Variants in ASIC2 observed in about 807,000 individuals in gnomAD.
The protein encoded by ASIC2 is acid sensing ion channel subunit 2, also known as acid-sensing ion channel 2.
A neutral mutation model predicts 57.3 loss-of-function variants in ASIC2; 25 were observed. The observed-to-expected ratio is 0.44, with a 90% CI of 0.32 to 0.61. ASIC2 has a LOEUF of 0.61. Ranked by LOEUF, ASIC2 falls within the 20% of genes least tolerant of loss-of-function variation. ASIC2 has a pLI of 0.06. For missense variants in ASIC2, 641 were observed against 738.1 expected (o/e 0.87, Z 1.52); for synonymous variants, 319 against 307.5 (o/e 1.04, Z -0.39).
intron 1 of ASIC2, among the ~76,000 whole-genome samples, chr17:33,683,074 C>G (rs938934259): frequency 6.6e-6 from 1 of 152,186 alleles, no homozygotes; most frequent in Admixed American, 6.5e-5. Flanking sequence ...CAGTAGGCCA[C>G]GCTGCCCTAT....
chr17:33,671,414 C>T (rs932145894), intron 1 of ASIC2, among the ~76,000 whole-genome samples: 1 of 152,202 alleles, frequency 6.6e-6, no homozygotes, highest in African/African-American at 2.4e-5. Context: ...ATCTTATTAG[C>T]TCTGCCCCAC....
rs11651523 is a variant in ASIC2, at chr17:33,755,101, G to A, written c.555+400877C>T. Among the ~76,000 whole-genome samples, 4 of 152,082 alleles carry A rather than the reference G, an allele frequency of 2.6e-5. No homozygotes were observed. In the South Asian group the frequency reaches 6.2e-4, roughly 24 times the overall value. Reference sequence around the variant, plus strand: ...TTCTGGATTATTCAGGTCAGGTCAAGGTCATCAAAAGTGTCCTTATGAGAG... The same window carrying A: ...TTCTGGATTATTCAGGTCAGGTCAAAGTCATCAAAAGTGTCCTTATGAGAG... On this transcript the variant is annotated intron_variant, in intron 1 of 9. Transcript: ENST00000359872.
At chr17:33,593,591 A>C (rs147020918) in intron 1 of ASIC2, among the ~76,000 whole-genome samples, 5 of 152,166 alleles carry the variant, frequency 3.3e-5, no homozygotes, top group African/African-American at 1.2e-4. Context: ...GGTGATAATG[A>C]TGGCAGCTTC....
rs530531319 is a variant in ASIC2 at position 33,321,093 on chromosome 17, G to T, written c.556-209026C>A. Among the ~76,000 whole-genome samples the T allele has an allele frequency of 6.6e-5, 10 of 152,240 alleles. No homozygotes were observed. In the Middle Eastern group the frequency reaches 0.014, roughly 207 times the overall value. On this transcript the variant is annotated intron_variant, in intron 1 of 9. Coordinates refer to the ASIC2 transcript ENST00000359872. ...TCCACTTCCGTTGAATATATACCTG[G>T]GAGCAGAATGGTTATGTCACAGGGT...
intron 1 of ASIC2, among the ~76,000 whole-genome samples, chr17:33,528,356 C>T (rs1964430915): frequency 6.6e-6 from 1 of 152,146 alleles, no homozygotes; most frequent in African/African-American, 2.4e-5. Context: ...TGGAACTCTC[C>T]CTCCAGCCAG....
At chr17:33,802,745 G>T (rs915090379) in intron 1 of ASIC2, among the ~76,000 whole-genome samples, 3 of 152,242 alleles carry the variant, frequency 2.0e-5, no homozygotes, top group Non-Finnish European at 4.4e-5. Context: ...CTTTGTTTTT[G>T]TCTGCCGTTG....
chr17:33,087,432 C>T (rs182862486), intron 3 of ASIC2, among the ~76,000 whole-genome samples: 146 of 152,254 alleles, frequency 9.6e-4, no homozygotes, highest in African/African-American at 3.3e-3. Context: ...ATCCCATTCC[C>T]TATGTGCTTC....
At chr17:34,118,350 T>G (rs375495760) in intron 1 of ASIC2, 10 of 152,184 alleles carry the variant, frequency 6.6e-5, no homozygotes, top group African/African-American at 1.9e-4. Flanking sequence ...AGTAGCATGT[T>G]TTTTCTTTTT....
At chr17:34,011,155 A>G (rs952069039) in intron 1 of ASIC2, among the ~76,000 whole-genome samples, 3 of 152,146 alleles carry the variant, frequency 2.0e-5, no homozygotes, top group African/African-American at 4.8e-5. Flanking sequence ...ACATAGACAC[A>G]TAGAGATGCC....
intron 1 of ASIC2, among the ~76,000 whole-genome samples, chr17:33,881,068 T>A (rs1460892922): frequency 6.6e-6 from 1 of 152,180 alleles, no homozygotes; most frequent in East Asian, 1.9e-4. Flanking sequence ...CAGCCCTTCA[T>A]GCTAAAAACT....
intron 1 of ASIC2, among the ~76,000 whole-genome samples, chr17:33,542,219 T>A (rs1474299557): frequency 6.6e-6 from 1 of 152,006 alleles, no homozygotes; most frequent in Non-Finnish European, 1.5e-5. Flanking sequence ...TGTGCACGTG[T>A]CTTTATAGCA....
chr17:33,803,822 AT>A (rs199728816), intron 1 of ASIC2, among the ~76,000 whole-genome samples: 19 of 151,230 alleles, frequency 1.3e-4, no homozygotes, highest in Admixed American at 2.6e-4. Context: ...TGTAACTGGC[AT>A]TTTTTTTTAT....
chr17:33,148,913 G>T (rs1904671973), intron 1 of ASIC2, among the ~76,000 whole-genome samples: 1 of 152,080 alleles, frequency 6.6e-6, no homozygotes, highest in Admixed American at 6.6e-5. Context: ...GGCCAACGTG[G>T]TGAAACCCCA....
chr17:33,295,788 A>G (rs1164862944), upstream of ASIC2, among the ~76,000 whole-genome samples: 3 of 151,786 alleles, frequency 2.0e-5, no homozygotes, highest in Admixed American at 2.0e-4. Context: ...AACTAGGCAC[A>G]TAAATAAATG....
At chr17:34,039,600 A>G in intron 1 of ASIC2, 1 of 1,613,804 alleles carries the variant, frequency 6.2e-7, no homozygotes, top group Non-Finnish European at 8.5e-7. Flanking sequence ...CGCTTCCCCC[A>G]GCAAACTCAA....
intron 1 of ASIC2, among the ~76,000 whole-genome samples, chr17:33,833,489 T>C (rs775915761): frequency 9.9e-5 from 15 of 152,038 alleles, no homozygotes; most frequent in Non-Finnish European, 1.9e-4. Flanking sequence ...TTCCGTTCTC[T>C]TTGTCTGTGT....
At chr17:33,028,519 C>T in intron 3 of ASIC2, 127 bp from the exon 4 acceptor site, 1 of 1,202,342 alleles carries the variant, frequency 8.3e-7, no homozygotes, top group Non-Finnish European at 1.2e-6. Context: ...CCTTCAACAT[C>T]TGGCTCCAAT....
At chr17:33,340,130 C>A (rs1472416510) in intron 1 of ASIC2, among the ~76,000 whole-genome samples, 1 of 152,182 alleles carries the variant, frequency 6.6e-6, no homozygotes, top group East Asian at 1.9e-4. Context: ...GAAATGTCAG[C>A]AGCGTTAAAA....
At chr17:33,708,693 C>T (rs553240938) in intron 1 of ASIC2, among the ~76,000 whole-genome samples, 6 of 152,216 alleles carry the variant, frequency 3.9e-5, no homozygotes, top group Non-Finnish European at 7.4e-5. Flanking sequence ...CCAGCCCCAG[C>T]GTACCCCACT....
Sources: allele counts gnomAD v4.1 joint callset (sites outside exome capture counted in the v4.1 genomes callset), GRCh38; gene constraint gnomAD v4.1.1; transcripts MANE v1.5; gene names NCBI Gene and HGNC (gene_info 2026-07-23, HGNC 2026-07-21).